PPFIA2: variants seen among roughly 807,000 people sequenced by gnomAD.
The protein encoded by PPFIA2 is PPFI scaffold protein A2.
In PPFIA2, 46 loss-of-function variants were observed where a neutral mutation model predicts 175.5. The ratio of observed to expected loss-of-function variants is 0.26; its 90% CI spans 0.21 to 0.34. PPFIA2 has a LOEUF of 0.34. Ranked by LOEUF, PPFIA2 falls within the 10% of genes least tolerant of loss-of-function variation. The pLI is 1.00. For missense variants in PPFIA2, 1,179 were observed against 1,506.1 expected (o/e 0.78, Z 3.60); for synonymous variants, 568 against 511.4 (o/e 1.11, Z -1.49).
At chr12:81,326,329 C>A (rs1301955792) in intron 21 of PPFIA2, among the ~76,000 whole-genome samples, 1 of 152,048 alleles carries the variant, frequency 6.6e-6, no homozygotes, top group Non-Finnish European at 1.5e-5. Context: ...TTTTCTATTA[C>A]AAGTTGAGAG....
chr12:81,318,009 T>C (rs968193718), intron 22 of PPFIA2, among the ~76,000 whole-genome samples: 15 of 151,830 alleles, frequency 9.9e-5, no homozygotes, highest in Non-Finnish European at 5.9e-5. Context: ...CCTACCTCTG[T>C]GATTGCTAAT....
intron 4 of PPFIA2, among the ~76,000 whole-genome samples, chr12:81,650,024 T>TC (rs1272148988): frequency 7.9e-5 from 12 of 151,968 alleles, no homozygotes; most frequent in African/African-American, 2.9e-4. Context: ...TTTTTTTTTT[T>TC]CCTGAGACGG....
At chr12:81,747,061 G>A (rs1026097041) in intron 3 of PPFIA2, among the ~76,000 whole-genome samples, 1 of 143,648 alleles carries the variant, frequency 7.0e-6, no homozygotes, top group African/African-American at 2.4e-5. Context: ...ATAGAAGCCT[G>A]ATTGCAAGGG....
chr12:81,349,951 A>C lies in PPFIA2; in HGVS notation c.1995-2181T>G, dbSNP rs1482968331. 3.9e-5 allele frequency among the ~76,000 whole-genome samples: 6 copies of C among 152,178 alleles called. No individual in the cohort carries two copies. In the South Asian group the frequency reaches 1.0e-3, roughly 26 times the overall value. Reference sequence around the variant, plus strand: ...TCACAGAAAAATTCTGGTTGTTATTAGCAGTTCACCTGGTTTGAATCAAGA... The same window carrying C: ...TCACAGAAAAATTCTGGTTGTTATTCGCAGTTCACCTGGTTTGAATCAAGA... On this transcript the variant is annotated intron_variant, in intron 17 of 32. Coordinates refer to ENST00000549396, the MANE Select transcript of PPFIA2 (RefSeq NM_003625.5).
At chr12:81,264,316 A>G (rs2036552727) in intron 30 of PPFIA2, among the ~76,000 whole-genome samples, 1 of 152,208 alleles carries the variant, frequency 6.6e-6, no homozygotes, top group South Asian at 2.1e-4. Context: ...TACATAAAGT[A>G]CTTTTACAGA....
chr12:81,330,867 C>T lies in PPFIA2; in HGVS notation c.2549-4997G>A, dbSNP rs766671638. 9.9e-5 allele frequency among the ~76,000 whole-genome samples: 15 copies of T among 152,224 alleles called. No individual in the cohort carries two copies. The South Asian group carries it at 1.5e-3, about 15-fold the overall frequency. Reference sequence around the variant, plus strand: ...AACATCTGTTAGTCTGTTAGCTATCCGGAGACTGTATCTATACACAGTGCC... The same window carrying T: ...AACATCTGTTAGTCTGTTAGCTATCTGGAGACTGTATCTATACACAGTGCC... On this transcript the variant is annotated intron_variant, in intron 21 of 32. Coordinates refer to ENST00000549396, the MANE Select transcript of PPFIA2 (RefSeq NM_003625.5).
chr12:81,534,376 G>GATC (rs977506863), intron 4 of PPFIA2, among the ~76,000 whole-genome samples: 22 of 151,684 alleles, frequency 1.5e-4, no homozygotes, highest in South Asian at 8.3e-4. Context: ...AATTTTCAGG[G>GATC]TGATGGATAT....
chr12:81,645,180 AG>A (rs1344905717), intron 4 of PPFIA2, among the ~76,000 whole-genome samples: 6 of 152,108 alleles, frequency 3.9e-5, no homozygotes, highest in African/African-American at 1.4e-4. Flanking sequence ...AGAGAGATAA[AG>A]GGAAAGAGAG....
intron 4 of PPFIA2, among the ~76,000 whole-genome samples, chr12:81,616,103 G>C (rs1175983075): frequency 6.6e-6 from 1 of 152,134 alleles, no homozygotes; most frequent in Non-Finnish European, 1.5e-5. Context: ...TCAGCTGAGA[G>C]TATTGTTGGG....
intron 8 of PPFIA2, among the ~76,000 whole-genome samples, chr12:81,399,755 T>C (rs1760855755): frequency 6.6e-6 from 1 of 152,094 alleles, no homozygotes; most frequent in South Asian, 2.1e-4. Flanking sequence ...TGCTTGACAA[T>C]TCAATTGAAG....
intron 18 of PPFIA2, among the ~76,000 whole-genome samples, chr12:81,345,224 T>C (rs1027264719): frequency 2.6e-5 from 4 of 152,116 alleles, no homozygotes; most frequent in Non-Finnish European, 5.9e-5. Flanking sequence ...AAAAGCATTT[T>C]CTTCAGGTTA....
intron 4 of PPFIA2, among the ~76,000 whole-genome samples, chr12:81,553,519 G>C (rs2068302665): frequency 6.6e-6 from 1 of 152,026 alleles, no homozygotes; most frequent in Admixed American, 6.6e-5. Context: ...AAAGACACAA[G>C]CATAGCACTT....
chr12:81,757,352 G>A (rs2084849891), intron 2 of PPFIA2, among the ~76,000 whole-genome samples: 1 of 152,146 alleles, frequency 6.6e-6, no homozygotes, highest in Admixed American at 6.5e-5. Flanking sequence ...AAGCCAGAAA[G>A]GGCATTTTAA....
At position 81,456,412 on chromosome 12, in the gene PPFIA2, A is replaced by G. The variant is rs76581363; in HGVS notation, c.405+1353T>C. Among the ~76,000 whole-genome samples the G allele has an allele frequency of 6.0e-4, 92 of 152,316 alleles. 2 individuals carry two copies. In the East Asian group the frequency reaches 0.017, roughly 27 times the overall value. Reference sequence around the variant, plus strand: ...TGTGAATTCTCTTTACCATGAAATAAGACCTTGATAAATAAGGACATAAAT... The same window carrying G: ...TGTGAATTCTCTTTACCATGAAATAGGACCTTGATAAATAAGGACATAAAT... On this transcript the variant is annotated intron_variant, in intron 5 of 32. Transcript: ENST00000549396.
At chr12:81,664,449 C>A (rs1428367966) in intron 4 of PPFIA2, among the ~76,000 whole-genome samples, 3 of 151,786 alleles carry the variant, frequency 2.0e-5, no homozygotes, top group African/African-American at 7.3e-5. Context: ...ATGCTCATCA[C>A]TGGCCATCAG....
At chr12:81,665,861 C>T (rs2070121631) in intron 4 of PPFIA2, among the ~76,000 whole-genome samples, 1 of 152,014 alleles carries the variant, frequency 6.6e-6, no homozygotes, top group African/African-American at 2.4e-5. Context: ...TTGCAATCTA[C>T]TCATCTGACA....
intron 17 of PPFIA2, among the ~76,000 whole-genome samples, chr12:81,351,532 T>C (rs1265334478): frequency 6.6e-6 from 1 of 152,014 alleles, no homozygotes; most frequent in Non-Finnish European, 1.5e-5. Flanking sequence ...GTTTAAGATA[T>C]GGTAGCAGCC....
intron 4 of PPFIA2, among the ~76,000 whole-genome samples, chr12:81,619,508 A>C (rs2061789340): frequency 6.6e-6 from 1 of 152,176 alleles, no homozygotes; most frequent in Admixed American, 6.5e-5. Flanking sequence ...GCAAGATAGT[A>C]AAAAAATCTG....
chr12:81,385,429 T>C (rs1307157942), intron 8 of PPFIA2, among the ~76,000 whole-genome samples: 2 of 152,126 alleles, frequency 1.3e-5, no homozygotes. Flanking sequence ...TTATTTACAA[T>C]AGCCAAGAAA....
Sources: allele counts gnomAD v4.1 joint callset (sites outside exome capture counted in the v4.1 genomes callset), GRCh38; gene constraint gnomAD v4.1.1; transcripts MANE v1.5; gene names NCBI Gene and HGNC (gene_info 2026-07-23, HGNC 2026-07-21).